CENPC: variants seen among roughly 807,000 people sequenced by gnomAD.
The protein encoded by CENPC is CENP-C 1.
Under a neutral mutation model 112.1 loss-of-function variants are expected in CENPC, and 63 were observed. The observed-to-expected ratio is 0.56, with a 90% CI of 0.46 to 0.69. The LOEUF (loss-of-function observed/expected upper bound fraction) is 0.69. CENPC is among the 30% of genes least tolerant of loss of function. The pLI, the probability that CENPC is intolerant of heterozygous loss-of-function variation, is 0.00. For synonymous variants in CENPC, 333 were observed against 367.6 expected (o/e 0.91, Z 1.08); for missense variants, 1,000 against 1,103.8 (o/e 0.91, Z 1.33).
At chr4:67,521,207 A>AG (rs1243603289) in intron 5 of CENPC, among the ~76,000 whole-genome samples, 2 of 150,200 alleles carry the variant, frequency 1.3e-5, no homozygotes, top group Non-Finnish European at 3.0e-5. Flanking sequence ...AACAAACCAA[A>AG]AAAAAAAAAA....
chr4:67,505,289 A>G lies in CENPC; in HGVS notation c.2052-5T>C. 6.6e-7 allele frequency: 1 copy of G among 1,524,186 alleles called. No individual in the cohort carries two copies. The allele number at this position is 1,524,186 out of a possible 1,614,324, so 94.4% of individuals were successfully genotyped here. A position where few individuals can be genotyped will look rare whatever the true frequency, so the allele number is the denominator to read the frequency against. On this transcript the variant is annotated splice_polypyrimidine_tract_variant and splice_region_variant and intron_variant, in intron 11 of 18. Coordinates refer to ENST00000273853, the MANE Select transcript of CENPC (RefSeq NM_001812.4). The stretch of plus-strand genomic sequence containing the variant: ...TTATTGAGCCTGGAAGGTCCACTTA[A>G]GAAAAAAAGGAAACCACAAAATTAA...
intron 12 of CENPC, among the ~76,000 whole-genome samples, chr4:67,504,647 C>T (rs1036020959): frequency 1.3e-5 from 2 of 151,782 alleles, no homozygotes; most frequent in Non-Finnish European, 2.9e-5. Context: ...TGGTGAAACC[C>T]CATCTCTACT....
At chr4:67,475,960 T>C (rs1724793824) in intron 17 of CENPC, among the ~76,000 whole-genome samples, 1 of 152,186 alleles carries the variant, frequency 6.6e-6, no homozygotes, top group Non-Finnish European at 1.5e-5. Flanking sequence ...AACAGCAAAC[T>C]GCCTACATGA....
chr4:67,527,429 A>T (rs1311442968), intron 5 of CENPC, among the ~76,000 whole-genome samples: 2 of 151,334 alleles, frequency 1.3e-5, no homozygotes, highest in African/African-American at 2.4e-5. Context: ...TATAGCTAAC[A>T]TCTTAATGTG....
chr4:67,500,168 GA>G (rs1449820869), intron 12 of CENPC, among the ~76,000 whole-genome samples: 2 of 147,984 alleles, frequency 1.4e-5, no homozygotes. Context: ...ACATGCTATT[GA>G]AAAAAAAAAT....
chr4:67,543,924 C>T (rs1726956257), intron 2 of CENPC, among the ~76,000 whole-genome samples: 1 of 152,172 alleles, frequency 6.6e-6, no homozygotes, highest in African/African-American at 2.4e-5. Context: ...CTGAGACTCC[C>T]TCTTCCTGGT....
At chr4:67,473,931 C>A (rs928939875) in intron 18 of CENPC, among the ~76,000 whole-genome samples, 1 of 152,100 alleles carries the variant, frequency 6.6e-6, no homozygotes, top group Non-Finnish European at 1.5e-5. Context: ...TTCTGCTGTT[C>A]GATAGCTGAT....
chr4:67,512,478 T>C lies in CENPC; in HGVS notation c.1536A>G (p.Glu512=). The C allele has an allele frequency of 1.3e-6, 2 of 1,596,100 alleles. No homozygotes were observed. The highest frequency in any genetic ancestry group is 1.2e-5 in the South Asian group (1 of 85,644). ...SESKNKLVPE[E]VTSTVTKSRR... ...GACTTTTCGTGACAGTTGAAGTCACTTCTTCAGGTACAAGTTTGTTCTTGG... is the reference window on the plus strand; with the variant it reads ...GACTTTTCGTGACAGTTGAAGTCACCTCTTCAGGTACAAGTTTGTTCTTGG... Residue 512 remains glutamate (E), a synonymous_variant, in exon 9 of 19, where the codon GAA becomes GAG. Transcript: ENST00000273853.
chr4:67,498,226 C>T (rs147708292), intron 12 of CENPC, among the ~76,000 whole-genome samples: 4 of 152,058 alleles, frequency 2.6e-5, no homozygotes, highest in Non-Finnish European at 5.9e-5. Context: ...TAGAGCAAGC[C>T]TCTGTCTCAT....
At chr4:67,480,585 A>C (rs1306866388) in intron 17 of CENPC, among the ~76,000 whole-genome samples, 2 of 152,236 alleles carry the variant, frequency 1.3e-5, no homozygotes, top group African/African-American at 4.8e-5. Context: ...CAGACATTCA[A>C]AGAAGAATTG....
At chr4:67,511,102 A>T in intron 9 of CENPC, 1 of 455,030 alleles carries the variant, frequency 2.2e-6, no homozygotes, top group Non-Finnish European at 4.4e-6. Flanking sequence ...GCCACCTACT[A>T]TGCTAATTGC....
intron 9 of CENPC, among the ~76,000 whole-genome samples, chr4:67,510,355 C>T (rs1725859896): frequency 6.6e-6 from 1 of 152,160 alleles, no homozygotes; most frequent in Non-Finnish European, 1.5e-5. Flanking sequence ...GGAAGCTTTC[C>T]CTAATTTCCA....
Position 67,472,608 on chromosome 4 carries a change from T to C in CENPC, c.2829A>G (p.Arg943=). The change falls in exon 19 of 19, where the codon AGA becomes AGG. Residue 943 remains arginine, a synonymous_variant. Transcript: ENST00000273853. ...ATATTTAAGGTTGGTTGATCTTTCA[T>C]CTTTTTATCTGAGTAAAAAGAAGAA... ...ESVLLFTQIK[R] is the part of the protein sequence containing the mutation. The C allele has an allele frequency of 1.3e-6, 2 of 1,504,646 alleles. No homozygotes were observed. Among genetic ancestry groups the C allele is most frequent in the South Asian group, 1.4e-5 (1 of 73,958 alleles). 93.2% of individuals were successfully genotyped at this position (1,504,646 alleles called of 1,614,324 possible).
rs771762281 is a variant in CENPC at position 67,514,672 on chromosome 4, A to G, written c.846T>C (p.His282=). 2 of 1,606,916 alleles carry G rather than the reference A, an allele frequency of 1.2e-6. No homozygotes were observed. The highest frequency in any genetic ancestry group is 1.1e-5 in the South Asian group (1 of 89,898). ...ACGAATGAGGTGGAGCAGTTGCCGC[A>G]TGCCTAACAATGGGACTGAAACAGG... is the stretch of plus-strand genomic sequence containing the variant. ...RKSESSPIVR[H]AATAPPHSCP... is the part of the protein sequence containing the mutation. Residue 282 remains histidine, a synonymous_variant, in exon 8 of 19, where the codon CAT becomes CAC. Transcript: ENST00000273853.
chr4:67,513,728 T>C (rs977430522), intron 8 of CENPC, among the ~76,000 whole-genome samples: 2 of 152,156 alleles, frequency 1.3e-5, no homozygotes, highest in Non-Finnish European at 2.9e-5. Flanking sequence ...CTTTTATCTC[T>C]ATAAAAAATA....
At chr4:67,507,466 G>A (rs1356457883) in intron 10 of CENPC, among the ~76,000 whole-genome samples, 1 of 152,044 alleles carries the variant, frequency 6.6e-6, no homozygotes, top group Non-Finnish European at 1.5e-5. Flanking sequence ...AAATAAAAGT[G>A]ATTACAAGAG....
At chr4:67,491,480 TAGAGAGAGAG>T (rs71219046) in intron 16 of CENPC, among the ~76,000 whole-genome samples, 87 of 18,070 alleles carry the variant, frequency 4.8e-3, no homozygotes, top group Middle Eastern at 0.028. Context: ...TATATATATA[TAGAGAGAGAG>T]AGAGAGAGAG....
intron 4 of CENPC, among the ~76,000 whole-genome samples, chr4:67,538,972 A>G (rs889946778): frequency 5.3e-5 from 8 of 152,206 alleles, no homozygotes; most frequent in Non-Finnish European, 1.2e-4. Context: ...TCTGTGACTT[A>G]CTGCATTCTA....
At chr4:67,475,151 T>C (rs1416473891) in intron 17 of CENPC, among the ~76,000 whole-genome samples, 173 bp from the exon 18 acceptor site, 1 of 152,098 alleles carries the variant, frequency 6.6e-6, no homozygotes, top group Non-Finnish European at 1.5e-5. Context: ...GATGGGGAGA[T>C]TATCTTTGAT....
Sources: allele counts gnomAD v4.1 joint callset (sites outside exome capture counted in the v4.1 genomes callset), GRCh38; gene constraint gnomAD v4.1.1; transcripts MANE v1.5; gene names NCBI Gene and HGNC (gene_info 2026-07-23, HGNC 2026-07-21).